Variants in CYREN observed in about 807,000 individuals in gnomAD.
CYREN encodes the protein cell cycle regulator of non-homologous end joining.
A neutral mutation model predicts 9.7 loss-of-function variants in CYREN; 7 were observed. The observed-to-expected ratio is 0.72, with a 90% CI of 0.41 to 1.36. CYREN has a LOEUF of 1.36. Among genes scored for constraint, CYREN ranks in the 40% most tolerant of loss-of-function variants. The probability of loss-of-function intolerance (pLI) is 0.01; values close to 1 mark genes in which losing one functional copy is unlikely to be tolerated. For synonymous variants in CYREN, 76 were observed against 77.9 expected (o/e 0.98, Z 0.13); for missense variants, 215 against 198.1 (o/e 1.09, Z -0.51).
rs557171327 is a variant in CYREN at position 135,119,645 on chromosome 7, A to C, written n.357-25063T>G. ...GTAATCCCAGCACTTTGGGAGGCCG[A>C]GGTGGGCAGATCACGAGTTCAGGAG... On this transcript the variant is annotated intron_variant and non_coding_transcript_variant, in intron 2 of 2. Transcript: ENST00000459937. Among the ~76,000 whole-genome samples the C allele has an allele frequency of 2.0e-5, 3 of 152,136 alleles. No homozygotes were observed. In the East Asian group the frequency reaches 5.8e-4, roughly 30 times the overall value.
downstream of CYREN, chr7:135,165,132 C>T: frequency 8.6e-7 from 1 of 1,168,066 alleles, no homozygotes; most frequent in South Asian, 1.7e-5. Context: ...GGTGGGGCCC[C>T]TGTGTCAAAG....
chr7:135,113,735 G>C (rs1413965689), intron 2 of CYREN, among the ~76,000 whole-genome samples: 1 of 152,168 alleles, frequency 6.6e-6, no homozygotes. Flanking sequence ...GTTAAGTACA[G>C]TCGCATTGTG....
intron 2 of CYREN, among the ~76,000 whole-genome samples, chr7:135,139,421 T>C (rs1829413011): frequency 6.6e-6 from 1 of 152,016 alleles, no homozygotes; most frequent in South Asian, 2.1e-4. Context: ...TTGCCCTTTT[T>C]TTTTTAATGA....
chr7:135,133,574 C>T (rs1829086439), intron 2 of CYREN, among the ~76,000 whole-genome samples: 2 of 152,092 alleles, frequency 1.3e-5, no homozygotes, highest in African/African-American at 4.8e-5. Context: ...GAGAAATAAA[C>T]ATACACATCA....
At chr7:135,097,217 G>A (rs1823037504) in intron 2 of CYREN, among the ~76,000 whole-genome samples, 1 of 152,060 alleles carries the variant, frequency 6.6e-6, no homozygotes, top group African/African-American at 2.4e-5. Context: ...GGTCAACAAA[G>A]GGAAAATTTT....
chr7:135,140,138 T>C (rs932487522), intron 2 of CYREN, among the ~76,000 whole-genome samples: 2 of 152,192 alleles, frequency 1.3e-5, no homozygotes, highest in African/African-American at 2.4e-5. Flanking sequence ...ATTGAATCTG[T>C]ACATTGTTTT....
At chr7:135,126,873 A>G (rs994314691) in intron 2 of CYREN, among the ~76,000 whole-genome samples, 5 of 152,230 alleles carry the variant, frequency 3.3e-5, no homozygotes, top group African/African-American at 2.4e-5. Context: ...TTAACTGAAG[A>G]TGGATTAAAG....
chr7:135,164,670 C>T (rs145562868), downstream of CYREN: 2,903 of 1,613,618 alleles, frequency 1.8e-3, 7 homozygotes, highest in Middle Eastern at 6.6e-3. Context: ...GGGGGTGCCT[C>T]GGGTTGGCCT....
At chr7:135,096,624 GGGCT>G (rs1822858444) in intron 2 of CYREN, among the ~76,000 whole-genome samples, 1 of 148,046 alleles carries the variant, frequency 6.8e-6, no homozygotes. Context: ...TAGATAGATA[GGGCT>G]ATTCTTTTAA....
intron 2 of CYREN, among the ~76,000 whole-genome samples, chr7:135,157,113 G>T (rs1422352103): frequency 6.6e-6 from 1 of 152,144 alleles, no homozygotes; most frequent in Non-Finnish European, 1.5e-5. Flanking sequence ...GTGTGAAAAT[G>T]GACTAATACA....
At chr7:135,122,310 C>CT (rs1827250458) in intron 2 of CYREN, among the ~76,000 whole-genome samples, 2 of 152,316 alleles carry the variant, frequency 1.3e-5, no homozygotes, top group South Asian at 4.1e-4. Flanking sequence ...CCTGACCCAT[C>CT]CTTCCTCATT....
At chr7:135,119,498 G>A (rs969948780) in intron 2 of CYREN, among the ~76,000 whole-genome samples, 29 of 151,732 alleles carry the variant, frequency 1.9e-4, no homozygotes, top group Non-Finnish European at 3.7e-4. Context: ...CCAAAGTGCT[G>A]GGATTACAGG....
intron 2 of CYREN, among the ~76,000 whole-genome samples, chr7:135,150,935 TA>T (rs1367858204): frequency 6.6e-6 from 1 of 152,256 alleles, no homozygotes; most frequent in Admixed American, 6.5e-5. Context: ...AAACTTTTTG[TA>T]ATCTTTGTTC....
chr7:135,158,564 T>C (rs538290860), intron 2 of CYREN, among the ~76,000 whole-genome samples: 108 of 152,254 alleles, frequency 7.1e-4, no homozygotes, highest in African/African-American at 2.6e-3. Context: ...GATTTCCCTA[T>C]CCTTCCTTAG....
chr7:135,114,389 C>A (rs933938365), intron 2 of CYREN, among the ~76,000 whole-genome samples: 9 of 151,996 alleles, frequency 5.9e-5, no homozygotes, highest in Non-Finnish European at 1.2e-4. Context: ...TTGATAGCAG[C>A]CATCCTAATA....
At chr7:135,111,595 T>C (rs918276062) in intron 2 of CYREN, among the ~76,000 whole-genome samples, 4 of 151,914 alleles carry the variant, frequency 2.6e-5, no homozygotes, top group African/African-American at 9.7e-5. Context: ...TTTAATAACA[T>C]TTCACAATAG....
At chr7:135,103,324 T>C (rs1262259758) in intron 2 of CYREN, among the ~76,000 whole-genome samples, 1 of 152,212 alleles carries the variant, frequency 6.6e-6, no homozygotes, top group Non-Finnish European at 1.5e-5. Flanking sequence ...TTCCTTATAC[T>C]AGTCTCTCTA....
chr7:135,154,606 C>A (rs1829742815), intron 2 of CYREN, among the ~76,000 whole-genome samples: 3 of 152,008 alleles, frequency 2.0e-5, no homozygotes, highest in African/African-American at 7.2e-5. Context: ...CTTCATTGAC[C>A]CAGTAGTTGT....
At chr7:135,164,632 G>A (rs1276346497), downstream of CYREN, 2 of 1,613,628 alleles carry the variant, frequency 1.2e-6, no homozygotes, top group African/African-American at 2.7e-5. Context: ...ACCCTACAGT[G>A]TCACCAGTTC....
Sources: allele counts gnomAD v4.1 joint callset (sites outside exome capture counted in the v4.1 genomes callset), GRCh38; gene constraint gnomAD v4.1.1; transcripts MANE v1.5; gene names NCBI Gene and HGNC (gene_info 2026-07-23, HGNC 2026-07-21).